The following C2CD5 variants were observed in gnomAD, a reference collection of about 807,000 sequenced individuals.
C2CD5 encodes C2 domain-containing protein 5.
Under a neutral mutation model 130.3 loss-of-function variants are expected in C2CD5, and 109 were observed. That is an observed-to-expected ratio of 0.84 (90% confidence interval 0.72 to 0.98). The LOEUF (loss-of-function observed/expected upper bound fraction) is 0.98, where lower values mean the gene tolerates loss of function less well. Among genes scored for constraint, C2CD5 ranks in the 50% least tolerant of loss-of-function variants. C2CD5 has a pLI of 0.00. For synonymous variants in C2CD5, 454 were observed against 429.2 expected, an observed-to-expected ratio of 1.06 and a Z score of -0.71; for missense variants, 996 against 1,261.8, an observed-to-expected ratio of 0.79 and a Z score of 3.19.
At chr12:22,483,408 G>A in intron 13 of C2CD5, among the ~76,000 whole-genome samples, 1 of 152,032 alleles carries the variant, frequency 6.6e-6, no homozygotes. Flanking sequence ...CATTCAAAGG[G>A]ACAGTAATTA....
At chr12:22,504,394 C>T (rs889619178) in intron 10 of C2CD5, among the ~76,000 whole-genome samples, 3 of 151,714 alleles carry the variant, frequency 2.0e-5, no homozygotes, top group Non-Finnish European at 4.4e-5. Flanking sequence ...CTCCGCCTCC[C>T]GGTTTCAAGC....
At chr12:22,540,339 A>G (rs1952242324) in intron 2 of C2CD5, among the ~76,000 whole-genome samples, 1 of 152,216 alleles carries the variant, frequency 6.6e-6, no homozygotes, top group East Asian at 1.9e-4. Context: ...TAAAATCTAG[A>G]GAAAACTAGA....
chr12:22,533,165 G>T (rs145449210), intron 3 of C2CD5, among the ~76,000 whole-genome samples: 5 of 152,272 alleles, frequency 3.3e-5, no homozygotes, highest in Admixed American at 1.3e-4. Context: ...TTGGGAAGGG[G>T]GGGTGGTGGG....
At chr12:22,485,427 T>C (rs1177520399) in intron 12 of C2CD5, among the ~76,000 whole-genome samples, 1 of 152,022 alleles carries the variant, frequency 6.6e-6, no homozygotes, top group Non-Finnish European at 1.5e-5. Context: ...ATAATTTAAT[T>C]GTACATTTTC....
intron 3 of C2CD5, among the ~76,000 whole-genome samples, chr12:22,533,451 A>G (rs751648893): frequency 3.9e-5 from 6 of 152,192 alleles, no homozygotes; most frequent in Non-Finnish European, 8.8e-5. Context: ...AGCCTAGTAC[A>G]GTCCCTATAA....
At chr12:22,525,867 A>G (rs1008255030) in intron 4 of C2CD5, among the ~76,000 whole-genome samples, 162 bp from the exon 5 acceptor site, 1 of 152,202 alleles carries the variant, frequency 6.6e-6, no homozygotes, top group Non-Finnish European at 1.5e-5. Flanking sequence ...TTTCACTTTC[A>G]GTCCAGAATT....
chr12:22,512,708 AAAAG>A (rs1343192593), intron 9 of C2CD5: 32 of 1,471,072 alleles, frequency 2.2e-5, no homozygotes, highest in African/African-American at 5.7e-5. Context: ...TTAAAAAAAA[AAAAG>A]AGAGAGAGAG....
intron 23 of C2CD5, 36 bp downstream of exon 23, chr12:22,459,456 C>T: frequency 7.2e-7 from 1 of 1,396,602 alleles, no homozygotes; most frequent in Non-Finnish European, 9.8e-7. Flanking sequence ...GAATTTTACA[C>T]CTTTGGTGAC....
intron 23 of C2CD5, 87 bp downstream of exon 23, chr12:22,459,405 C>A: frequency 1.2e-6 from 1 of 817,268 alleles, no homozygotes; most frequent in East Asian, 2.7e-5. Context: ...TTGTCCAGTG[C>A]ATTTTCTTCA....
chr12:22,502,568 T>A (rs527908996), intron 10 of C2CD5, among the ~76,000 whole-genome samples: 1 of 152,296 alleles, frequency 6.6e-6, no homozygotes, highest in Admixed American at 6.5e-5. Flanking sequence ...AACACATTTT[T>A]ATATTTGTAT....
At chr12:22,454,145 T>C (rs1270130380) in intron 25 of C2CD5, 103 bp from the exon 26 acceptor site, 2 of 884,276 alleles carry the variant, frequency 2.3e-6, no homozygotes, top group East Asian at 2.8e-5. Flanking sequence ...TCCTAAATTA[T>C]CTTAATATAC....
At chr12:22,464,112 C>G (rs1941670116) in intron 22 of C2CD5, among the ~76,000 whole-genome samples, 2 of 152,124 alleles carry the variant, frequency 1.3e-5, no homozygotes, top group Middle Eastern at 3.2e-3. Context: ...GATAAGGAAA[C>G]TGCCATATTA....
In C2CD5 at chr12:22,525,612, C is replaced by A; in HGVS notation, c.443G>T (p.Cys148Phe). The change falls in exon 5 of 27, where the codon TGC becomes TTC. Residue 148 changes from cysteine to phenylalanine, a missense_variant and splice_region_variant. Coordinates refer to ENST00000446597, the MANE Select transcript of C2CD5 (RefSeq NM_001286176.2). ...AGTAATAGAATGTATTTACTTACTG[C>A]AAAAGAATTTGACTCCACATGATGA... ...RQSSCGVKFFCTTSIPKCYRA... is the reference protein window; with the variant it reads ...RQSSCGVKFFFTTSIPKCYRA... 2 of 1,444,010 alleles carry A rather than the reference C, an allele frequency of 1.4e-6. No homozygotes were observed. The highest frequency in any genetic ancestry group is 1.9e-6 in the Non-Finnish European group (2 of 1,025,976). 89.4% of individuals were successfully genotyped at this position (1,444,010 alleles called of 1,614,324 possible).
At chr12:22,473,150 A>G (rs1056068522) in intron 16 of C2CD5, among the ~76,000 whole-genome samples, 5 of 152,202 alleles carry the variant, frequency 3.3e-5, no homozygotes, top group African/African-American at 1.2e-4. Flanking sequence ...CACTAAATGC[A>G]GAACTCCTTT....
rs757574811 is a variant in C2CD5, at chr12:22,517,967, G to A, written c.952+19C>T. On this transcript the variant is annotated intron_variant, in intron 8 of 26. Transcript: ENST00000446597. ...ATTTTTAAAAAAGAAAAAATAAAAG[G>A]TGGGTGGAAGCGCCTTACCAGTTTT... is the stretch of plus-strand genomic sequence containing the variant. 12 of 1,574,054 alleles carry A rather than the reference G, an allele frequency of 7.6e-6. No homozygotes were observed. The Admixed American group carries it at 1.5e-4, about 20-fold the overall frequency.
chr12:22,470,281 G>C (rs1431234250), intron 21 of C2CD5, among the ~76,000 whole-genome samples: 1 of 152,070 alleles, frequency 6.6e-6, no homozygotes, highest in Admixed American at 6.6e-5. Flanking sequence ...CATTTAGCCA[G>C]TAAATCATTC....
At chr12:22,478,890 G>C (rs1314847983) in intron 14 of C2CD5, among the ~76,000 whole-genome samples, 1 of 151,906 alleles carries the variant, frequency 6.6e-6, no homozygotes, top group Non-Finnish European at 1.5e-5. Flanking sequence ...TGTGATCTTT[G>C]CTCATTAGGA....
At position 22,457,015 on chromosome 12, in the gene C2CD5, T is replaced by C; in HGVS notation, c.2833A>G (p.Ile945Val). The C allele has an allele frequency of 6.2e-7, 1 of 1,605,574 alleles. No individual in the cohort carries two copies. Among genetic ancestry groups the C allele is most frequent in the Non-Finnish European group, 8.5e-7 (1 of 1,174,008 alleles). ...PGAKITKYLG[I>V]INMFFIRETT... ...TCTCGAATAAAAAACATGTTAATTA[T>C]CCCAAGATACTTAGTTATTTTTGCT... The change falls in exon 25 of 27, where the codon ATA (isoleucine) becomes GTA (valine). Residue 945 changes from isoleucine (I) to valine (V), a missense_variant. This residue lies in a region of C2CD5 where 51 missense variants were observed against 99.5 expected (regional missense o/e 0.51). Coordinates refer to ENST00000446597, the MANE Select transcript of C2CD5 (RefSeq NM_001286176.2).
At position 22,496,811 on chromosome 12, in the gene C2CD5, T is replaced by G. The variant is rs149616086; in HGVS notation, c.1148-3474A>C. ...TAATATATCCTTTTAATTGCAGGCATGAACTGAGCACTAAATCAATCCTCA... is the reference window on the plus strand; with the variant it reads ...TAATATATCCTTTTAATTGCAGGCAGGAACTGAGCACTAAATCAATCCTCA... On this transcript the variant is annotated intron_variant, in intron 10 of 26. Transcript: ENST00000446597. Among the ~76,000 whole-genome samples the G allele has an allele frequency of 3.1e-3, 472 of 152,102 alleles. 7 individuals carry two copies. Among genetic ancestry groups the G allele is most frequent in the African/African-American group, 0.011 (460 of 41,540 alleles).
Sources: gnomAD v4.1 joint callset for allele counts (sites outside exome capture counted in the v4.1 genomes callset) on GRCh38, gnomAD v4.1.1 for gene constraint, gnomAD v4.1.1 regional missense constraint, MANE v1.5 for transcripts, NCBI Gene and HGNC (gene_info 2026-07-23, HGNC 2026-07-21) for gene names.